FAM169A: variants seen among roughly 807,000 people sequenced by gnomAD.
FAM169A encodes the protein family with sequence similarity 169 member A.
A neutral mutation model predicts 75.7 loss-of-function variants in FAM169A; 24 were observed. That is an observed-to-expected ratio of 0.32 (90% confidence interval 0.23 to 0.45). The LOEUF (loss-of-function observed/expected upper bound fraction) is 0.45. FAM169A is among the 20% of genes least tolerant of loss of function. The pLI is 1.00. For missense variants in FAM169A, 673 were observed against 784.0 expected, an observed-to-expected ratio of 0.86 and a Z score of 1.69; for synonymous variants, 271 against 271.0, an observed-to-expected ratio of 1.00 and a Z score of 0.00.
At chr5:74,829,793 G>T (rs1047585168) in intron 5 of FAM169A, among the ~76,000 whole-genome samples, 1 of 152,112 alleles carries the variant, frequency 6.6e-6, no homozygotes, top group Admixed American at 6.5e-5. Flanking sequence ...GACCAACATG[G>T]TGAAACCCCA....
At chr5:74,821,980 G>A (rs1747786767) in intron 5 of FAM169A, among the ~76,000 whole-genome samples, 1 of 152,054 alleles carries the variant, frequency 6.6e-6, no homozygotes, top group African/African-American at 2.4e-5. Context: ...GAGCTGCTGG[G>A]GTCTCTTCAC....
At chr5:74,823,501 G>T (rs1032701187) in intron 5 of FAM169A, among the ~76,000 whole-genome samples, 5 of 152,122 alleles carry the variant, frequency 3.3e-5, no homozygotes, top group Non-Finnish European at 7.3e-5. Context: ...ACTGAATTTT[G>T]ATTATCTAAT....
At chr5:74,782,133 TA>T (rs1459606489) in intron 12 of FAM169A, 125 bp from the exon 13 acceptor site, 4 of 730,696 alleles carry the variant, frequency 5.5e-6, no homozygotes, top group Non-Finnish European at 8.8e-6. Context: ...CAAAATCGAG[TA>T]TTTTTTTGAA....
intron 1 of FAM169A, among the ~76,000 whole-genome samples, chr5:74,847,651 T>C (rs890812826): frequency 4.6e-5 from 7 of 152,186 alleles, no homozygotes; most frequent in African/African-American, 9.7e-5. Flanking sequence ...TCTAAAAATA[T>C]CTACCAAATC....
Position 74,866,151 on chromosome 5 carries a change from G to A in FAM169A, c.-4+14C>T. 4 of 979,884 alleles carry A rather than the reference G, an allele frequency of 4.1e-6. No homozygotes were observed. The highest frequency in any genetic ancestry group is 3.6e-6 in the Non-Finnish European group (3 of 825,578). The allele number at this position is 979,884 out of a possible 1,614,324, so 60.7% of individuals were successfully genotyped here. A position where few individuals can be genotyped will look rare whatever the true frequency, so the allele number is the denominator to read the frequency against. ...CACCCAGCGGTCCGCGCCGGGGAGA[G>A]GGAGCGCACTCACCTCAGACGCGCC... is the stretch of plus-strand genomic sequence containing the variant. On this transcript the variant is annotated intron_variant, in intron 1 of 12. Transcript: ENST00000687041.
intron 1 of FAM169A, among the ~76,000 whole-genome samples, chr5:74,854,972 A>G (rs1040515935): frequency 2.0e-5 from 3 of 152,172 alleles, no homozygotes; most frequent in Admixed American, 2.0e-4. Context: ...TTGGGTATAT[A>G]CCAAGCAGTG....
chr5:74,836,084 G>T (rs561232947), intron 4 of FAM169A, among the ~76,000 whole-genome samples: 1 of 152,230 alleles, frequency 6.6e-6, no homozygotes, highest in South Asian at 2.1e-4. Context: ...TTCATGTTCG[G>T]GATGTGGATT....
chr5:74,804,525 C>T lies in FAM169A; in HGVS notation c.880G>A (p.Glu294Lys), dbSNP rs1207412978. The T allele has an allele frequency of 3.1e-6, 5 of 1,609,546 alleles. No individual in the cohort carries two copies. Among genetic ancestry groups the T allele is most frequent in the Non-Finnish European group, 4.3e-6 (5 of 1,176,466 alleles). Residue 294 changes from glutamate (E) to lysine (K), a missense_variant, in exon 8 of 13, where the codon GAA becomes AAA. Transcript: ENST00000687041. ...ASVPEYEART[E>K]DNQSSEMQLT... Reference sequence around the variant, plus strand: ...TGCATCTCACTAGACTGATTGTCTTCAGTTCTTGCTTCGTATTCTGGAACA... The same window carrying T: ...TGCATCTCACTAGACTGATTGTCTTTAGTTCTTGCTTCGTATTCTGGAACA...
rs1026828599 is a variant in FAM169A at position 74,823,375 on chromosome 5, A to T, written c.491-9356T>A. Reference sequence around the variant, plus strand: ...CCCTTCTCTTACTGACAAACTACTTACCCTTCAAAACTACTTTTAAATATC... The same window carrying T: ...CCCTTCTCTTACTGACAAACTACTTTCCCTTCAAAACTACTTTTAAATATC... On this transcript the variant is annotated intron_variant, in intron 5 of 12. Transcript: ENST00000687041. Among the ~76,000 whole-genome samples, 15 of 152,104 alleles carry T rather than the reference A, an allele frequency of 9.9e-5. 1 individual carries two copies. The highest frequency in any genetic ancestry group is 9.8e-4 in the Admixed American group (15 of 15,244).
At chr5:74,847,103 T>C (rs1193276260) in intron 1 of FAM169A, among the ~76,000 whole-genome samples, 1 of 152,152 alleles carries the variant, frequency 6.6e-6, no homozygotes, top group Non-Finnish European at 1.5e-5. Flanking sequence ...AACGCATTCT[T>C]CTCATCCCAT....
intron 5 of FAM169A, among the ~76,000 whole-genome samples, chr5:74,829,523 C>A (rs1052648654): frequency 2.0e-5 from 3 of 152,006 alleles, no homozygotes. Flanking sequence ...GCAAGATTTC[C>A]TTCCTTAAAT....
chr5:74,800,992 C>T lies in FAM169A; in HGVS notation c.991G>A (p.Gly331Ser). The T allele has an allele frequency of 6.4e-7, 1 of 1,564,770 alleles. No homozygotes were observed. Among genetic ancestry groups the T allele is most frequent in the African/African-American group, 1.4e-5 (1 of 72,556 alleles). ...KTSVSTHTRSGNLKRPKIGKR... is the reference protein window; with the variant it reads ...KTSVSTHTRSSNLKRPKIGKR... ...CCAATCTTTGGCCGCTTTAGATTAC[C>T]ACTTCGAGTATGAGTGGAAACAGAT... Residue 331 changes from glycine (G) to serine (S), a missense_variant, in exon 10 of 13, where the codon GGT becomes AGT. Around this residue, in one of 3 missense-constraint regions of FAM169A, gnomAD observed 510 missense variants for 550.9 expected, o/e 0.93. Coordinates refer to ENST00000687041, the MANE Select transcript of FAM169A (RefSeq NM_001376049.1).
intron 5 of FAM169A, among the ~76,000 whole-genome samples, chr5:74,826,924 A>G (rs1748058582): frequency 6.6e-6 from 1 of 152,074 alleles, no homozygotes; most frequent in Non-Finnish European, 1.5e-5. Flanking sequence ...TAATTCCTCC[A>G]TCTCCCCTTG....
At chr5:74,834,168 G>A (rs946419344) in intron 5 of FAM169A, among the ~76,000 whole-genome samples, 5 of 152,058 alleles carry the variant, frequency 3.3e-5, no homozygotes, top group African/African-American at 7.2e-5. Flanking sequence ...GAGGTTCAAC[G>A]TACAACTGTG....
In FAM169A at chr5:74,840,178, A is replaced by G; in HGVS notation, c.133-5T>C. On this transcript the variant is annotated splice_region_variant and splice_polypyrimidine_tract_variant and intron_variant, in intron 2 of 12. Transcript: ENST00000687041. The stretch of plus-strand genomic sequence containing the variant: ...ATTTGACAGGCTAATAGGAATCTGA[A>G]ATGACAAATTAATAAAGATTAGTGA... The G allele has an allele frequency of 7.0e-7, 1 of 1,426,148 alleles. No homozygotes were observed. The highest frequency in any genetic ancestry group is 9.6e-7 in the Non-Finnish European group (1 of 1,039,114). The allele number at this position is 1,426,148 out of a possible 1,614,324, so 88.3% of individuals were successfully genotyped here. A position where few individuals can be genotyped will look rare whatever the true frequency, so the allele number is the denominator to read the frequency against.
chr5:74,836,294 A>G (rs1429782875), intron 4 of FAM169A, among the ~76,000 whole-genome samples: 1 of 151,800 alleles, frequency 6.6e-6, no homozygotes, highest in East Asian at 1.9e-4. Flanking sequence ...ATTTCTCCCT[A>G]TTTAATTTTA....
chr5:74,782,764 A>G (rs761855667), intron 12 of FAM169A, among the ~76,000 whole-genome samples, 167 bp downstream of exon 12: 25 of 152,236 alleles, frequency 1.6e-4, no homozygotes, highest in Admixed American at 6.5e-5. Context: ...ATTTGAATTT[A>G]TAGAATATTA....
intron 11 of FAM169A, among the ~76,000 whole-genome samples, chr5:74,794,490 G>C (rs2112500396): frequency 6.6e-6 from 1 of 151,650 alleles, no homozygotes; most frequent in Non-Finnish European, 1.5e-5. Context: ...ACTTTGGGAG[G>C]CCAAGAGGAG....
chr5:74,862,127 C>T (rs115571876), intron 1 of FAM169A, among the ~76,000 whole-genome samples: 38 of 152,326 alleles, frequency 2.5e-4, no homozygotes, highest in African/African-American at 8.7e-4. Flanking sequence ...AAGGCTTTGC[C>T]AAGATTATCA....
Sources: gnomAD v4.1 joint callset for allele counts (sites outside exome capture counted in the v4.1 genomes callset) on GRCh38, gnomAD v4.1.1 for gene constraint, gnomAD v4.1.1 regional missense constraint, MANE v1.5 for transcripts, NCBI Gene and HGNC (gene_info 2026-07-23, HGNC 2026-07-21) for gene names.